PRKCE: variants seen among roughly 807,000 people sequenced by gnomAD.
PRKCE encodes the protein protein kinase C epsilon.
In PRKCE, 16 loss-of-function variants were observed where a neutral mutation model predicts 85.4. The observed-to-expected ratio is 0.19, with a 90% CI of 0.13 to 0.28. PRKCE has a LOEUF of 0.28. Ranked by LOEUF, PRKCE falls within the 10% of genes least tolerant of loss-of-function variation. The probability of loss-of-function intolerance (pLI) is 1.00; values close to 1 mark genes in which losing one functional copy is unlikely to be tolerated. For missense variants in PRKCE, 573 were observed against 975.2 expected (o/e 0.59, Z 5.49); for synonymous variants, 388 against 371.5 (o/e 1.04, Z -0.51).
intron 10 of PRKCE, among the ~76,000 whole-genome samples, chr2:46,015,691 C>CAAAAAAAAAAAAAAAAAAAAAAAAAAAA (rs749060776): frequency 5.0e-5 from 4 of 80,798 alleles, no homozygotes; most frequent in African/African-American, 9.1e-5. Context: ...AACACTAAAC[C>CAAAAAAAAAAAAAAAAAAAAAAAAAAAA]AAAAAAAAAA....
At chr2:46,176,012 G>C (rs965812481) in intron 14 of PRKCE, among the ~76,000 whole-genome samples, 8 of 152,030 alleles carry the variant, frequency 5.3e-5, no homozygotes, top group Admixed American at 5.2e-4. Context: ...AATTCATCAG[G>C]TCTAGGATGA....
chr2:45,853,552 C>T lies in PRKCE; in HGVS notation c.412+10489C>T, dbSNP rs141777321. The stretch of plus-strand genomic sequence containing the variant: ...TAGAACTTACCTCTATGTGATCTCC[C>T]CTGAGGTAGGCAGGTCGCACCTGCT... On this transcript the variant is annotated intron_variant, in intron 2 of 14. Coordinates refer to ENST00000306156, the MANE Select transcript of PRKCE (RefSeq NM_005400.3). 3.5e-3 allele frequency among the ~76,000 whole-genome samples: 533 copies of T among 152,180 alleles called. 3 individuals are homozygous for T. The highest frequency in any genetic ancestry group is 0.012 in the African/African-American group (515 of 41,518).
chr2:45,753,370 A>G (rs936721866), intron 1 of PRKCE, among the ~76,000 whole-genome samples: 2 of 152,232 alleles, frequency 1.3e-5, no homozygotes, highest in Admixed American at 6.5e-5. Flanking sequence ...GAGAAGTTTT[A>G]TGGAGAACTT....
chr2:45,760,463 C>G (rs1423773664), intron 1 of PRKCE, among the ~76,000 whole-genome samples: 3 of 152,280 alleles, frequency 2.0e-5, no homozygotes, highest in Non-Finnish European at 1.5e-5. Context: ...AAATCATTTT[C>G]TCATGTGGGA....
rs117377312 is a variant in PRKCE at position 45,697,303 on chromosome 2, G to A, written c.348+44855G>A. On this transcript the variant is annotated intron_variant, in intron 1 of 14. Transcript: ENST00000306156. This position sits in a 1 kb window ranked among gnomAD's most constrained non-coding sequence, Gnocchi z 4.2. ...CCCACATTCTGCTTGGCTCTGGTCC[G>A]GAGGTTTTATGGGGGATCTGGAGAG... Among the ~76,000 whole-genome samples, 253 of 152,226 alleles carry A rather than the reference G, an allele frequency of 1.7e-3. 9 individuals carry two copies. In the East Asian group the frequency reaches 0.044, roughly 26 times the overall value.
At chr2:45,819,945 A>G (rs1405567028) in intron 1 of PRKCE, among the ~76,000 whole-genome samples, 3 of 152,214 alleles carry the variant, frequency 2.0e-5, no homozygotes, top group South Asian at 2.1e-4. Flanking sequence ...TTCCTAATGT[A>G]TGGATCTGGG....
intron 1 of PRKCE, among the ~76,000 whole-genome samples, chr2:45,656,860 G>A (rs1036429327): frequency 6.6e-6 from 1 of 152,208 alleles, no homozygotes; most frequent in South Asian, 2.1e-4. Flanking sequence ...TTTTTACATA[G>A]ATATGTCCTG....
At chr2:46,028,920 C>G (rs1362153904) in intron 10 of PRKCE, among the ~76,000 whole-genome samples, 1 of 152,186 alleles carries the variant, frequency 6.6e-6, no homozygotes, top group Non-Finnish European at 1.5e-5. Context: ...ATTTGGTTTT[C>G]TGTTCCTGTG....
intron 13 of PRKCE, among the ~76,000 whole-genome samples, chr2:46,158,981 A>T (rs1348647006): frequency 1.3e-5 from 2 of 152,208 alleles, no homozygotes; most frequent in African/African-American, 4.8e-5. Flanking sequence ...AAAAGGAATA[A>T]GCCTTTCTTT....
At chr2:46,100,285 G>A (rs1178045215) in intron 11 of PRKCE, among the ~76,000 whole-genome samples, 1 of 152,144 alleles carries the variant, frequency 6.6e-6, no homozygotes, top group Non-Finnish European at 1.5e-5. Context: ...TTGGCTGGTG[G>A]TCCTGTGCTC....
chr2:45,674,384 G>T (rs1676321624), intron 1 of PRKCE, among the ~76,000 whole-genome samples: 1 of 152,178 alleles, frequency 6.6e-6, no homozygotes, highest in Non-Finnish European at 1.5e-5. Context: ...GGAATTTTCA[G>T]ATATCAGTGA....
At chr2:46,029,547 C>G (rs1285753587) in intron 10 of PRKCE, among the ~76,000 whole-genome samples, 2 of 152,130 alleles carry the variant, frequency 1.3e-5, no homozygotes, top group African/African-American at 4.8e-5. Context: ...GAAAAGGCCT[C>G]CCTGTATCCC....
intron 1 of PRKCE, among the ~76,000 whole-genome samples, chr2:45,669,830 G>A (rs1430819113): frequency 6.6e-6 from 1 of 152,096 alleles, no homozygotes; most frequent in Non-Finnish European, 1.5e-5. Flanking sequence ...GGCCAACATG[G>A]CGAAACCCCG....
At chr2:45,894,036 C>T (rs1695942580) in intron 2 of PRKCE, among the ~76,000 whole-genome samples, 1 of 152,060 alleles carries the variant, frequency 6.6e-6, no homozygotes, top group Non-Finnish European at 1.5e-5. Flanking sequence ...TGTGTAATGC[C>T]CCTGGGCATA....
rs1389996875 is a variant in PRKCE, at chr2:46,001,365, A to G, written c.824-39A>G. ...AAGAAAAGAAGCAACATCTTAGGCC[A>G]TGAACACTTATCTGTCTTTTCTCCA... On this transcript the variant is annotated intron_variant, in intron 6 of 14. Coordinates refer to ENST00000306156, the MANE Select transcript of PRKCE (RefSeq NM_005400.3). This position sits in a 1 kb window ranked among gnomAD's most constrained non-coding sequence, Gnocchi z 4.4. 3.8e-6 allele frequency: 6 copies of G among 1,576,716 alleles called. No homozygotes were observed. The East Asian group carries it at 1.1e-4, about 30-fold the overall frequency.
intron 2 of PRKCE, among the ~76,000 whole-genome samples, chr2:45,969,398 C>T (rs1701954939): frequency 1.3e-5 from 2 of 152,226 alleles, no homozygotes; most frequent in South Asian, 4.1e-4. Flanking sequence ...GATGTTGCCT[C>T]AGAGGTCACG....
chr2:45,952,567 A>G (rs1157516505), intron 2 of PRKCE, among the ~76,000 whole-genome samples: 2 of 152,248 alleles, frequency 1.3e-5, no homozygotes, highest in Admixed American at 6.5e-5. Flanking sequence ...TTTTACGTTG[A>G]AATTGCTATG....
rs528376333 is a variant in PRKCE at position 46,070,243 on chromosome 2, G to C, written c.1438-15965G>C. On this transcript the variant is annotated intron_variant, in intron 10 of 14. Transcript: ENST00000306156. ...CAGAGACTTTGTGTTCTAGAGACTT[G>C]AGACCACCTCTATAAATATAACCAG... 2.6e-5 allele frequency among the ~76,000 whole-genome samples: 4 copies of C among 152,314 alleles called. No individual in the cohort carries two copies. In the South Asian group the frequency reaches 8.3e-4, roughly 32 times the overall value.
chr2:46,031,387 G>A (rs554111249), intron 10 of PRKCE, among the ~76,000 whole-genome samples: 17 of 152,198 alleles, frequency 1.1e-4, no homozygotes, highest in South Asian at 6.2e-4. Context: ...ACCTCCCACT[G>A]ATCATCTCAC....
Sources: allele counts gnomAD v4.1 joint callset (sites outside exome capture counted in the v4.1 genomes callset), GRCh38; gene constraint gnomAD v4.1.1; non-coding constraint Gnocchi (gnomAD v3.1); transcripts MANE v1.5; gene names NCBI Gene and HGNC (gene_info 2026-07-23, HGNC 2026-07-21).